PEAK1: variants seen among roughly 807,000 people sequenced by gnomAD.
The protein encoded by PEAK1 is pseudopodium enriched atypical kinase 1.
A neutral mutation model predicts 124.7 loss-of-function variants in PEAK1; 54 were observed. That is an observed-to-expected ratio of 0.43 (90% CI 0.35 to 0.54). PEAK1 has a LOEUF of 0.54. Among genes scored for constraint, PEAK1 ranks in the 20% least tolerant of loss-of-function variants. PEAK1 has a pLI of 0.01. For synonymous variants in PEAK1, 719 were observed against 760.0 expected (o/e 0.95, Z 0.89); for missense variants, 2,046 against 2,134.5 (o/e 0.96, Z 0.82).
intron 2 of PEAK1, among the ~76,000 whole-genome samples, chr15:77,288,707 C>T (rs1383120914): frequency 6.6e-6 from 1 of 152,028 alleles, no homozygotes; most frequent in East Asian, 1.9e-4. Context: ...CTTTGGGAGG[C>T]CGAGGCAGGC....
intron 5 of PEAK1, among the ~76,000 whole-genome samples, chr15:77,265,868 A>G (rs1232719950): frequency 3.3e-5 from 5 of 152,176 alleles, no homozygotes; most frequent in Admixed American, 3.3e-4. Flanking sequence ...AATGTCCAAC[A>G]ATGATAGACT....
At chr15:77,288,784 C>T (rs964120132) in intron 2 of PEAK1, among the ~76,000 whole-genome samples, 1 of 151,914 alleles carries the variant, frequency 6.6e-6, no homozygotes, top group Non-Finnish European at 1.5e-5. Context: ...CAAAAATTAG[C>T]CGGGTGTGGT....
At chr15:77,344,408 T>C (rs1474139720) in intron 2 of PEAK1, among the ~76,000 whole-genome samples, 2 of 152,228 alleles carry the variant, frequency 1.3e-5, no homozygotes, top group East Asian at 3.9e-4. Context: ...GTCTGTTTTA[T>C]TCCACTGGTT....
At chr15:77,323,917 T>C (rs537786847) in intron 2 of PEAK1, among the ~76,000 whole-genome samples, 1 of 152,296 alleles carries the variant, frequency 6.6e-6, no homozygotes, top group South Asian at 2.1e-4. Flanking sequence ...AACAATATGG[T>C]ACTGGTACCA....
chr15:77,233,848 C>A (rs2060005910), intron 6 of PEAK1, among the ~76,000 whole-genome samples: 1 of 152,120 alleles, frequency 6.6e-6, no homozygotes, highest in South Asian at 2.1e-4. Context: ...TCTAAGCATT[C>A]ATGTTTATTT....
chr15:77,121,984 G>GTATA (rs2051959963), intron 9 of PEAK1, among the ~76,000 whole-genome samples: 1 of 152,240 alleles, frequency 6.6e-6, no homozygotes, highest in East Asian at 1.9e-4. Flanking sequence ...CCAGTATTTG[G>GTATA]TATAATCCCA....
intron 2 of PEAK1, among the ~76,000 whole-genome samples, chr15:77,299,459 A>G (rs1007539220): frequency 6.6e-6 from 1 of 152,244 alleles, no homozygotes; most frequent in Admixed American, 6.5e-5. Context: ...TTGACAAATT[A>G]ACAATGATAC....
chr15:77,217,824 T>G (rs773677767), intron 6 of PEAK1, among the ~76,000 whole-genome samples: 1 of 152,194 alleles, frequency 6.6e-6, no homozygotes, highest in Non-Finnish European at 1.5e-5. Context: ...CCACAAACTT[T>G]TGGAAGTCTC....
chr15:77,243,558 C>A (rs559207075), intron 6 of PEAK1, among the ~76,000 whole-genome samples: 24 of 152,184 alleles, frequency 1.6e-4, no homozygotes, highest in Admixed American at 1.6e-3. Flanking sequence ...TTTCCACCAA[C>A]GCTCTTGCTA....
In PEAK1 at chr15:77,229,678, G is replaced by A. The variant is rs957630943; in HGVS notation, c.-115+22689C>T. Among the ~76,000 whole-genome samples the A allele has an allele frequency of 6.7e-5, 9 of 134,248 alleles. No individual in the cohort carries two copies. The East Asian group carries it at 8.3e-4, about 12-fold the overall frequency. The allele number at this position is 134,248 out of a possible 152,430, so 88.1% of individuals were successfully genotyped here. ...TTTTTTTTTTTTGAGATGTAGTTTC[G>A]CTCTTTTTGCCCAGGCCAGAGTGCA... On this transcript the variant is annotated intron_variant, in intron 6 of 9. Transcript: ENST00000682557.
intron 2 of PEAK1, chr15:77,349,334 C>G: frequency 1.0e-6 from 1 of 980,988 alleles, no homozygotes; most frequent in Non-Finnish European, 1.2e-6. Flanking sequence ...CCACCGCGCC[C>G]GGCCTCAGTC....
At chr15:77,313,726 G>GTGTGTGTGTATATA (rs1462211130) in intron 2 of PEAK1, among the ~76,000 whole-genome samples, 2 of 108,564 alleles carry the variant, frequency 1.8e-5, no homozygotes, top group African/African-American at 6.8e-5. Flanking sequence ...GTGTGTGTGT[G>GTGTGTGTGTATATA]TATATATATA....
chr15:77,338,597 A>G lies in PEAK1; in HGVS notation c.-603+26566T>C, dbSNP rs991287831. ...ATTAACAATCTAATCTCAATTGTAT[A>G]TACATTCTAAAAAACATACACCACA... On this transcript the variant is annotated intron_variant, in intron 2 of 9. Transcript: ENST00000682557. Among the ~76,000 whole-genome samples the G allele has an allele frequency of 2.0e-5, 3 of 148,892 alleles. No homozygotes were observed. In the Admixed American group the frequency reaches 2.0e-4, roughly 10 times the overall value.
At chr15:77,217,576 T>C (rs1413571159) in intron 6 of PEAK1, among the ~76,000 whole-genome samples, 1 of 152,214 alleles carries the variant, frequency 6.6e-6, no homozygotes, top group Non-Finnish European at 1.5e-5. Context: ...ATTAGGCATC[T>C]ACCTCATAGT....
intron 2 of PEAK1, among the ~76,000 whole-genome samples, chr15:77,312,891 G>A (rs969836840): frequency 6.6e-6 from 1 of 152,152 alleles, no homozygotes; most frequent in African/African-American, 2.4e-5. Context: ...GGAAGGGAAG[G>A]ACAAGGTAGT....
intron 6 of PEAK1, among the ~76,000 whole-genome samples, chr15:77,197,816 T>C (rs956522676): frequency 4.6e-5 from 7 of 152,178 alleles, no homozygotes; most frequent in African/African-American, 7.2e-5. Flanking sequence ...CAACATGGGT[T>C]TGAACTGCGC....
chr15:77,212,625 A>G (rs1489319157), intron 6 of PEAK1, among the ~76,000 whole-genome samples: 1 of 152,196 alleles, frequency 6.6e-6, no homozygotes, highest in Non-Finnish European at 1.5e-5. Context: ...TTTTCTTTCT[A>G]AAGTTTGCTT....
In PEAK1 at chr15:77,419,852, GCGCCACCCAGAACCCGCGC is replaced by G. The variant is rs894557105; in HGVS notation, c.-666+135_-666+153del. Among the ~76,000 whole-genome samples, 248 of 148,898 alleles carry G rather than the reference GCGCCACCCAGAACCCGCGC, an allele frequency of 1.7e-3. 2 individuals are homozygous for G. The highest frequency in any genetic ancestry group is 7.2e-4 in the Non-Finnish European group (48 of 66,972). ...ACCGGCCGCCAGAGCCCCGGCGGCG[GCGCCACCCAGAACCCGCGC>G]CGCCACCCAGAACCCGCGCCGCCCC... On this transcript the variant is annotated intron_variant, in intron 1 of 9. Transcript: ENST00000682557.
chr15:77,286,379 G>A, intron 3 of PEAK1, 44 bp downstream of exon 3: 2 of 1,011,740 alleles, frequency 2.0e-6, no homozygotes, highest in Non-Finnish European at 2.5e-6. Flanking sequence ...AGAGATTTAA[G>A]ACCAGAATAA....
Sources: gnomAD v4.1 joint callset for allele counts (sites outside exome capture counted in the v4.1 genomes callset) on GRCh38, gnomAD v4.1.1 for gene constraint, MANE v1.5 for transcripts, NCBI Gene and HGNC (gene_info 2026-07-23, HGNC 2026-07-21) for gene names.